GGH: variants seen among roughly 807,000 people sequenced by gnomAD.
GGH encodes the protein gamma-glutamyl hydrolase.
Under a neutral mutation model 39.2 loss-of-function variants are expected in GGH, and 18 were observed. That is an observed-to-expected ratio of 0.46 (90% CI 0.32 to 0.68). The LOEUF is 0.68. Ranked by LOEUF, GGH falls within the 30% of genes least tolerant of loss-of-function variation. GGH has a pLI of 0.04. For synonymous variants in GGH, 147 were observed against 138.8 expected (o/e 1.06, Z -0.42); for missense variants, 367 against 384.1 (o/e 0.96, Z 0.37).
intron 7 of GGH, among the ~76,000 whole-genome samples, chr8:63,018,710 G>A (rs1804531513): frequency 6.6e-6 from 1 of 152,182 alleles, no homozygotes; most frequent in Non-Finnish European, 1.5e-5. Flanking sequence ...CACAGGCTGG[G>A]GGACTAGGAA....
intron 7 of GGH, among the ~76,000 whole-genome samples, chr8:63,019,629 T>C (rs1302240132): frequency 6.6e-6 from 1 of 152,268 alleles, no homozygotes; most frequent in African/African-American, 2.4e-5. Context: ...CAAGGCATTT[T>C]GCTTGTTGAT....
chr8:63,026,210 T>G lies in GGH; in HGVS notation c.447A>C (p.Leu149Phe). ...CGTCAACAGTATCTGTGGCAGTTAA[T>G]AAGCACTCTCCACTAATCAGCAGTG... ...ELSLLISGECLLTATDTVDVA... is the reference protein window; with the variant it reads ...ELSLLISGECFLTATDTVDVA... The change falls in exon 5 of 9, where the codon TTA becomes TTC. Residue 149 changes from leucine to phenylalanine, a missense_variant. Physicochemically the swap from Leu to Phe is conservative, Grantham distance 22 (BLOSUM62 0). Transcript: ENST00000260118. The G allele has an allele frequency of 6.2e-7, 1 of 1,611,218 alleles. No individual in the cohort carries two copies. Among genetic ancestry groups the G allele is most frequent in the Admixed American group, 1.7e-5 (1 of 59,712 alleles).
chr8:63,030,192 CAT>C lies in GGH; in HGVS notation c.248_249del (p.Tyr83Ter), dbSNP rs1329069782. 6.9e-7 allele frequency: 1 copy of C among 1,449,768 alleles called. No individual in the cohort carries two copies. Among genetic ancestry groups the C allele is most frequent in the Non-Finnish European group, 9.7e-7 (1 of 1,031,030 alleles). The allele number at this position is 1,449,768 out of a possible 1,614,324, so 89.8% of individuals were successfully genotyped here. A position where few individuals can be genotyped will look rare whatever the true frequency, so the allele number is the denominator to read the frequency against. On this transcript the variant is annotated frameshift_variant, in exon 3 of 9. Transcript: ENST00000260118. LOFTEE classifies it high-confidence loss of function. ...PVRLDLTEKDYEILFKSINGI... is the reference protein window; with the variant it reads ...PVRLDLTEKDXEILFKSINGI... ...CCATTAATAGATTTGAAAAGTATTT[CAT>C]AGTCTTTCTCTGTAAGATCCAGCCT...
chr8:63,022,099 A>AT (rs138255951), intron 7 of GGH, among the ~76,000 whole-genome samples: 12 of 149,802 alleles, frequency 8.0e-5, no homozygotes, highest in South Asian at 2.1e-4. Context: ...TCTCTGTGTA[A>AT]TTTTTTTTTT....
intron 1 of GGH, 25 bp downstream of exon 1, chr8:63,038,635 C>G (rs972910947): frequency 2.3e-6 from 3 of 1,307,262 alleles, no homozygotes; most frequent in Non-Finnish European, 3.1e-6. Flanking sequence ...TCCCCGTCTG[C>G]TGCGGCCCCG....
rs768448681 is a variant in GGH at position 63,035,730 on chromosome 8, G to A, written c.150C>T (p.Asn50=). 1 of 1,613,114 alleles carries A rather than the reference G, an allele frequency of 6.2e-7. No individual in the cohort carries two copies. Among genetic ancestry groups the A allele is most frequent in the Non-Finnish European group, 8.5e-7 (1 of 1,179,824 alleles). Residue 50 remains asparagine, a synonymous_variant, in exon 2 of 9, where the codon AAC becomes AAT. Transcript: ENST00000260118. ...MQKCRNKVMK[N]YGRYYIAASY... ...ACGCAGCAATATAGTATCTTCCATA[G>A]TTTTTCATGACTTTATTACGGCATT...
intron 3 of GGH, among the ~76,000 whole-genome samples, chr8:63,028,974 A>G: frequency 6.6e-6 from 1 of 152,224 alleles, no homozygotes; most frequent in Non-Finnish European, 1.5e-5. Flanking sequence ...TGCACACAGC[A>G]CATACTGGGC....
chr8:63,026,060 AAAAAG>A, intron 5 of GGH, 93 bp downstream of exon 5: 2 of 991,394 alleles, frequency 2.0e-6, no homozygotes, highest in Non-Finnish European at 1.5e-6. Flanking sequence ...GGAAAAGGCT[AAAAAG>A]AAAATAAAAA....
chr8:63,023,825 G>A (rs1429620521), intron 7 of GGH, 82 bp downstream of exon 7: 2 of 1,032,110 alleles, frequency 1.9e-6, no homozygotes, highest in Non-Finnish European at 2.6e-6. Flanking sequence ...AAAGTAATAT[G>A]ATTTTATTGA....
At chr8:63,017,440 C>T (rs1055564084) in intron 8 of GGH, 53 bp downstream of exon 8, 5 of 1,280,656 alleles carry the variant, frequency 3.9e-6, no homozygotes, top group Admixed American at 2.0e-5. Flanking sequence ...CAGATAAGGG[C>T]AATTTTCTTC....
intron 7 of GGH, among the ~76,000 whole-genome samples, chr8:63,019,243 C>A (rs955817640): frequency 1.3e-5 from 2 of 152,186 alleles, no homozygotes; most frequent in African/African-American, 4.8e-5. Flanking sequence ...GTATCTTGTT[C>A]GTGTCTTAAC....
intron 2 of GGH, 44 bp from the exon 3 acceptor site, chr8:63,030,261 G>A: frequency 1.1e-6 from 1 of 937,922 alleles, no homozygotes; most frequent in Non-Finnish European, 1.7e-6. Flanking sequence ...AAACTTAGAA[G>A]TAAACCTCTA....
intron 3 of GGH, 139 bp downstream of exon 3, chr8:63,030,028 A>C (rs917264528): frequency 8.4e-6 from 4 of 475,994 alleles, no homozygotes; most frequent in African/African-American, 7.9e-5. Context: ...AAATCCTATA[A>C]AAGAACTCAG....
Position 63,027,236 on chromosome 8 carries a change from A to G in GGH, c.305T>C (p.Leu102Pro). The change falls in exon 4 of 9, where the codon CTC becomes CCC. Residue 102 changes from leucine to proline, a missense_variant. Physicochemically the swap from Leu to Pro is moderately conservative, Grantham distance 98. Coordinates refer to ENST00000260118, the MANE Select transcript of GGH (RefSeq NM_003878.3). ...GILFPGGSVD[L>P]RRSDYAKVAK... ...CACTTTAGCATAATCTGAGCGTCTG[A>G]GGTCAACACTTCCTCCAGGGAAAAG... 6.3e-7 allele frequency: 1 copy of G among 1,597,586 alleles called. No individual in the cohort carries two copies. The highest frequency in any genetic ancestry group is 8.6e-7 in the Non-Finnish European group (1 of 1,165,124).
intron 2 of GGH, among the ~76,000 whole-genome samples, chr8:63,033,983 T>TTA (rs10671033): frequency 0.3 from 42,997 of 143,044 alleles, 6,508 homozygotes; most frequent in South Asian, 0.36. Context: ...TTGTCTCTCC[T>TTA]TATATATATA....
Position 63,024,175 on chromosome 8 carries a change from T to A in GGH, c.511A>T (p.Ser171Cys), listed in dbSNP as rs371749964. 6.3e-7 allele frequency: 1 copy of A among 1,593,116 alleles called. No individual in the cohort carries two copies. Among genetic ancestry groups the A allele is most frequent in the Non-Finnish European group, 8.6e-7 (1 of 1,161,812 alleles). The change falls in exon 6 of 9, where the codon AGC (serine) becomes TGC (cysteine). Residue 171 changes from serine to cysteine, a missense_variant. By Grantham distance (112) the Ser-to-Cys change is moderately radical (BLOSUM62 -1). Coordinates refer to ENST00000260118, the MANE Select transcript of GGH (RefSeq NM_003878.3). ...GTAGGAAAATTCTGGAACATTCTGCTGTGCAATTGACCTGAAATAATTTAA... is the reference window on the plus strand; with the variant it reads ...GTAGGAAAATTCTGGAACATTCTGCAGTGCAATTGACCTGAAATAATTTAA... ...PLNFTGGQLH[S>C]RMFQNFPTEL...
chr8:63,036,774 C>A (rs1489359252), intron 1 of GGH, among the ~76,000 whole-genome samples: 1 of 152,120 alleles, frequency 6.6e-6, no homozygotes, highest in Non-Finnish European at 1.5e-5. Flanking sequence ...TGTCACGTTG[C>A]AAGGAATCCA....
At chr8:63,026,877 T>TAA in intron 4 of GGH, 114 of 262,864 alleles carry the variant, frequency 4.3e-4, no homozygotes, top group South Asian at 6.0e-4. Context: ...ACAATGCCCA[T>TAA]AAAAAAAAAA....
chr8:63,023,361 G>A (rs1178617280), intron 7 of GGH: 1 of 152,242 alleles, frequency 6.6e-6, no homozygotes, highest in Admixed American at 6.5e-5. Flanking sequence ...GATTTTAGGT[G>A]TATTTTGAGT....
Sources: gnomAD v4.1 joint callset for allele counts (sites outside exome capture counted in the v4.1 genomes callset) on GRCh38, gnomAD v4.1.1 for gene constraint, MANE v1.5 for transcripts, NCBI Gene and HGNC (gene_info 2026-07-23, HGNC 2026-07-21) for gene names.